Variants in TMC7 observed in about 807,000 individuals in gnomAD.
TMC7 encodes transmembrane channel like 7.
A neutral mutation model predicts 82.9 loss-of-function variants in TMC7; 54 were observed. That is an observed-to-expected ratio of 0.65 (90% CI 0.52 to 0.82). The LOEUF (loss-of-function observed/expected upper bound fraction) is 0.82, where lower values mean the gene tolerates loss of function less well. Ranked by LOEUF, TMC7 falls within the 40% of genes least tolerant of loss-of-function variation. The pLI is 0.00. For synonymous variants in TMC7, 350 were observed against 337.9 expected, an observed-to-expected ratio of 1.04 and a Z score of -0.39; for missense variants, 820 against 901.2, an observed-to-expected ratio of 0.91 and a Z score of 1.15.
intron 2 of TMC7, among the ~76,000 whole-genome samples, chr16:19,015,502 A>G (rs960329982): frequency 1.3e-5 from 2 of 152,026 alleles, no homozygotes; most frequent in South Asian, 2.1e-4. Context: ...CTTATCTGTC[A>G]GTGGACATTT....
chr16:19,035,285 G>C (rs1043531321), intron 6 of TMC7, among the ~76,000 whole-genome samples: 2 of 152,170 alleles, frequency 1.3e-5, no homozygotes, highest in African/African-American at 4.8e-5. Context: ...AGTGGAGAGG[G>C]AGAGAGGGAG....
chr16:19,010,017 TCCTCCCTC>T (rs566813930), intron 2 of TMC7, among the ~76,000 whole-genome samples: 1 of 147,170 alleles, frequency 6.8e-6, no homozygotes, highest in Non-Finnish European at 1.5e-5. Flanking sequence ...ATTCCTCCCT[TCCTCCCTC>T]CCTCCCTCCC....
intron 3 of TMC7, among the ~76,000 whole-genome samples, chr16:19,016,879 T>A (rs1302040467): frequency 4.6e-5 from 7 of 152,098 alleles, no homozygotes; most frequent in African/African-American, 1.7e-4. Flanking sequence ...TCCCACTAGA[T>A]CTTGTTATTT....
At position 19,009,238 on chromosome 16, in the gene TMC7, G is replaced by C; in HGVS notation, c.134G>C (p.Ser45Thr). 6.2e-7 allele frequency: 1 copy of C among 1,614,156 alleles called. No individual in the cohort carries two copies. The highest frequency in any genetic ancestry group is 8.5e-7 in the Non-Finnish European group (1 of 1,180,032). ...PPVNFLQELP[S>T]YRSIARRRTT... ...GTGAACTTCCTCCAAGAATTGCCAA[G>C]CTACCGGTCCATTGCACGTAGGAGA... is the stretch of plus-strand genomic sequence containing the variant. The change falls in exon 2 of 16, where the codon AGC (serine) becomes ACC (threonine). Residue 45 changes from serine (S) to threonine (T), a missense_variant. This residue lies in a region of TMC7 where 650 missense variants were observed against 669.9 expected (regional missense o/e 0.97). Coordinates refer to ENST00000304381, the MANE Select transcript of TMC7 (RefSeq NM_024847.4).
At chr16:19,020,605 C>T (rs1001570266) in intron 3 of TMC7, among the ~76,000 whole-genome samples, 75 of 151,634 alleles carry the variant, frequency 4.9e-4, no homozygotes, top group Non-Finnish European at 1.0e-3. Flanking sequence ...TGGTGGCTCA[C>T]GCCTATAATC....
intron 3 of TMC7, among the ~76,000 whole-genome samples, chr16:19,018,364 A>T (rs758024648): frequency 6.6e-6 from 1 of 152,102 alleles, no homozygotes; most frequent in Non-Finnish European, 1.5e-5. Flanking sequence ...TTTTTTTCTC[A>T]TAGTTTTGGA....
chr16:19,023,962 T>G (rs1596756509), intron 5 of TMC7, among the ~76,000 whole-genome samples: 1 of 152,254 alleles, frequency 6.6e-6, no homozygotes. Flanking sequence ...CCTCACACTT[T>G]CAGATGATAT....
chr16:18,998,624 G>A (rs2142140360), intron 1 of TMC7, among the ~76,000 whole-genome samples: 1 of 152,164 alleles, frequency 6.6e-6, no homozygotes, highest in Middle Eastern at 3.4e-3. Context: ...CGTGGTGGCG[G>A]GCACCCATAG....
intron 1 of TMC7, among the ~76,000 whole-genome samples, chr16:18,985,701 T>G (rs1403270469): frequency 6.9e-6 from 1 of 145,758 alleles, no homozygotes; most frequent in Non-Finnish European, 1.5e-5. Context: ...TAGATGAGTT[T>G]TTTTTTTTTT....
chr16:18,992,500 T>C (rs1259195849), intron 1 of TMC7, among the ~76,000 whole-genome samples: 1 of 152,174 alleles, frequency 6.6e-6, no homozygotes, highest in Non-Finnish European at 1.5e-5. Flanking sequence ...GATATTAGCC[T>C]TTTGTCAGAT....
intron 2 of TMC7, among the ~76,000 whole-genome samples, chr16:19,010,843 T>C (rs1959292737): frequency 6.6e-6 from 1 of 152,048 alleles, no homozygotes; most frequent in Non-Finnish European, 1.5e-5. Flanking sequence ...GATCACATGG[T>C]ATCATCAGGA....
intron 1 of TMC7, among the ~76,000 whole-genome samples, chr16:19,003,470 G>A (rs1332191607): frequency 9.3e-5 from 14 of 150,462 alleles, no homozygotes; most frequent in South Asian, 6.4e-4. Context: ...GCCTCTGCCC[G>A]GCCGCCCCTA....
chr16:19,021,156 C>G (rs1959954954), intron 3 of TMC7, among the ~76,000 whole-genome samples: 3 of 152,108 alleles, frequency 2.0e-5, no homozygotes, highest in Admixed American at 6.6e-5. Flanking sequence ...CCAAAGATAT[C>G]TAAGACAATC....
intron 1 of TMC7, 107 bp from the exon 2 acceptor site, chr16:19,009,065 G>A (rs2039290289): frequency 7.8e-7 from 1 of 1,274,998 alleles, no homozygotes; most frequent in Non-Finnish European, 1.1e-6. Flanking sequence ...CACTGACCCA[G>A]GCTAGTAACT....
chr16:19,027,159 T>G (rs1388214295), intron 5 of TMC7, among the ~76,000 whole-genome samples: 1 of 138,412 alleles, frequency 7.2e-6, no homozygotes, highest in African/African-American at 2.7e-5. Context: ...AACCTCTGCC[T>G]CCTGGTTTCA....
rs2038799056 is a variant in TMC7 at position 18,984,104 on chromosome 16, C to CCAGCCGG, written c.50_56dup (p.Val20AlafsTer35). On this transcript the variant is annotated frameshift_variant, in exon 1 of 16. Coordinates refer to ENST00000304381, the MANE Select transcript of TMC7 (RefSeq NM_024847.4). LOFTEE classifies it high-confidence loss of function. ...GGCAGTGCGCTCCAGCCCGGCAGGC[C>CCAGCCGG]CAGCCGGCAGCCGGCGGTCCATCCA... is the stretch of plus-strand genomic sequence containing the variant. 1.3e-6 allele frequency: 2 copies of CCAGCCGG among 1,503,202 alleles called. No homozygotes were observed. The highest frequency in any genetic ancestry group is 2.1e-5 in the Admixed American group (1 of 47,544). The allele number at this position is 1,503,202 out of a possible 1,614,324, so 93.1% of individuals were successfully genotyped here.
intron 1 of TMC7, among the ~76,000 whole-genome samples, chr16:18,991,764 T>G (rs2038955617): frequency 6.6e-6 from 1 of 151,828 alleles, no homozygotes; most frequent in South Asian, 2.1e-4. Context: ...GGCCCCGGTG[T>G]GTGATGTTCC....
intron 9 of TMC7, among the ~76,000 whole-genome samples, chr16:19,044,636 T>A (rs962674599): frequency 6.6e-6 from 1 of 151,494 alleles, no homozygotes; most frequent in Non-Finnish European, 1.5e-5. Context: ...TCAGATCTAC[T>A]AAAAATAGAA....
chr16:19,053,055 G>C (rs1961608450), intron 13 of TMC7, among the ~76,000 whole-genome samples: 1 of 152,006 alleles, frequency 6.6e-6, no homozygotes, highest in South Asian at 2.1e-4. Context: ...TATGTGTTTT[G>C]TTGCTCTTTA....
Sources: gnomAD v4.1 joint callset for allele counts (sites outside exome capture counted in the v4.1 genomes callset) on GRCh38, gnomAD v4.1.1 for gene constraint, gnomAD v4.1.1 regional missense constraint, MANE v1.5 for transcripts, NCBI Gene and HGNC (gene_info 2026-07-23, HGNC 2026-07-21) for gene names.